GPHN: variants seen among roughly 807,000 people sequenced by gnomAD.
GPHN encodes the protein gephyrin.
GPHN carries 17 observed loss-of-function variants against 95.5 expected under a neutral mutation model. That is an observed-to-expected ratio of 0.18 (90% CI 0.12 to 0.27). The LOEUF (loss-of-function observed/expected upper bound fraction) is 0.27, where lower values mean the gene tolerates loss of function less well. Ranked by LOEUF, GPHN falls within the 10% of genes least tolerant of loss-of-function variation. The pLI, the probability that GPHN is intolerant of heterozygous loss-of-function variation, is 1.00. For missense variants in GPHN, 660 were observed against 978.1 expected (o/e 0.67, Z 4.34); for synonymous variants, 320 against 322.5 (o/e 0.99, Z 0.08).
the GPHN span, chr14:67,279,066 G>T: frequency 2.1e-6 from 2 of 934,162 alleles, no homozygotes; most frequent in Non-Finnish European, 2.9e-6. Flanking sequence ...GATGTGAGAA[G>T]TTTTTTTTTT....
intron 3 of GPHN, among the ~76,000 whole-genome samples, chr14:66,779,213 T>A (rs2059515257): frequency 6.6e-6 from 1 of 152,166 alleles, no homozygotes; most frequent in Non-Finnish European, 1.5e-5. Flanking sequence ...TCAAAAAAAA[T>A]TTCAAGAAAT....
At chr14:67,705,278 T>C in the GPHN span, among the ~76,000 whole-genome samples, 7 of 152,214 alleles carry the variant, frequency 4.6e-5, no homozygotes, top group Non-Finnish European at 1.0e-4. Flanking sequence ...GATGACAACA[T>C]ACAAGTTAAA....
At chr14:66,819,555 T>C (rs1194902001) in intron 3 of GPHN, among the ~76,000 whole-genome samples, 1 of 152,178 alleles carries the variant, frequency 6.6e-6, no homozygotes, top group African/African-American at 2.4e-5. Flanking sequence ...TTTTGGTTAC[T>C]GTAGCCCTAT....
intron 8 of GPHN, among the ~76,000 whole-genome samples, chr14:66,930,984 A>G (rs2066760195): frequency 6.6e-6 from 1 of 152,108 alleles, no homozygotes; most frequent in Admixed American, 6.6e-5. Context: ...TCTCTTTAAT[A>G]TTCTTTTATT....
the GPHN span, among the ~76,000 whole-genome samples, chr14:67,643,252 T>C: frequency 2.0e-5 from 3 of 152,240 alleles, no homozygotes; most frequent in African/African-American, 7.2e-5. Flanking sequence ...AAATTTGTGA[T>C]ATATTAAGGC....
At chr14:67,434,516 C>T in the GPHN span, among the ~76,000 whole-genome samples, 1 of 152,186 alleles carries the variant, frequency 6.6e-6, no homozygotes, top group East Asian at 1.9e-4. Flanking sequence ...AGAAGAATCG[C>T]TGATGGGAGC....
At chr14:67,038,944 A>G (rs2074565883) in intron 10 of GPHN, among the ~76,000 whole-genome samples, 1 of 152,172 alleles carries the variant, frequency 6.6e-6, no homozygotes, top group South Asian at 2.1e-4. Context: ...TCTTGTTGTA[A>G]TAGTTCAGGC....
At chr14:67,571,871 C>T in the GPHN span, 8,075 of 1,612,906 alleles carry the variant, frequency 5.0e-3, 367 homozygotes, top group African/African-American at 0.095. Context: ...GGAAGACCAG[C>T]GGACTAGGCA....
At chr14:67,332,593 GT>G in the GPHN span, among the ~76,000 whole-genome samples, 1 of 152,298 alleles carries the variant, frequency 6.6e-6, no homozygotes, top group South Asian at 2.1e-4. Flanking sequence ...CATAATATGA[GT>G]CGTGAAGATG....
the GPHN span, among the ~76,000 whole-genome samples, chr14:67,670,748 C>CAA: frequency 6.6e-6 from 1 of 152,108 alleles, no homozygotes; most frequent in Non-Finnish European, 1.5e-5. Flanking sequence ...AGGATGGTCT[C>CAA]CATCCGTGAC....
At chr14:67,015,816 GTGTA>G (rs1269614111) in intron 9 of GPHN, among the ~76,000 whole-genome samples, 1 of 152,170 alleles carries the variant, frequency 6.6e-6, no homozygotes, top group Non-Finnish European at 1.5e-5. Flanking sequence ...GTTTTTATGT[GTGTA>G]TGTGTGTGTG....
chr14:66,633,663 T>C (rs1448231865), intron 1 of GPHN, among the ~76,000 whole-genome samples: 6 of 152,292 alleles, frequency 3.9e-5, no homozygotes, highest in East Asian at 1.9e-4. Context: ...CCTGTACATA[T>C]ATTTTTGGGT....
the GPHN span, chr14:67,729,710 G>C: frequency 4.5e-5 from 24 of 538,446 alleles, no homozygotes; most frequent in East Asian, 1.0e-3. Flanking sequence ...TAAGCTTTTG[G>C]CTCACTTGAT....
At chr14:67,000,265 A>G (rs1210318594) in intron 9 of GPHN, among the ~76,000 whole-genome samples, 1 of 151,774 alleles carries the variant, frequency 6.6e-6, no homozygotes, top group Non-Finnish European at 1.5e-5. Flanking sequence ...GAGTAAGTCT[A>G]CATATTCAAG....
chr14:67,272,464 G>A, the GPHN span, among the ~76,000 whole-genome samples: 1 of 152,176 alleles, frequency 6.6e-6, no homozygotes, highest in African/African-American at 2.4e-5. Flanking sequence ...AATACTATGT[G>A]AACTGCTTGC....
chr14:67,009,552 A>G (rs920952156), intron 9 of GPHN, among the ~76,000 whole-genome samples: 3 of 152,064 alleles, frequency 2.0e-5, no homozygotes, highest in Non-Finnish European at 2.9e-5. Flanking sequence ...CAGTTGTTCT[A>G]TGGTAGACTG....
At chr14:67,460,182 AT>A in the GPHN span, among the ~76,000 whole-genome samples, 1 of 152,150 alleles carries the variant, frequency 6.6e-6, no homozygotes, top group South Asian at 2.1e-4. Flanking sequence ...TGTAAAGTTC[AT>A]TCAGCAAAAG....
chr14:67,253,840 A>G, the GPHN span, among the ~76,000 whole-genome samples: 1 of 151,912 alleles, frequency 6.6e-6, no homozygotes, highest in Non-Finnish European at 1.5e-5. Context: ...CCCTGTCTCA[A>G]AAAGAAAAAA....
the GPHN span, among the ~76,000 whole-genome samples, chr14:67,393,461 G>T: frequency 2.0e-5 from 3 of 151,962 alleles, no homozygotes; most frequent in African/African-American, 7.3e-5. Context: ...GTTGTTTTTT[G>T]TTTGTTTTTT....
Sources: gnomAD v4.1 joint callset for allele counts (sites outside exome capture counted in the v4.1 genomes callset) on GRCh38, gnomAD v4.1.1 for gene constraint, MANE v1.5 for transcripts, NCBI Gene and HGNC (gene_info 2026-07-23, HGNC 2026-07-21) for gene names.